PCDH15: variants seen among roughly 807,000 people sequenced by gnomAD.
PCDH15 encodes the protein protocadherin related 15.
A neutral mutation model predicts 178.5 loss-of-function variants in PCDH15; 129 were observed. That is an observed-to-expected ratio of 0.72 (90% CI 0.63 to 0.84). The LOEUF is 0.84. PCDH15 is among the 40% of genes least tolerant of loss of function. The pLI is 0.00. For missense variants in PCDH15, 2,230 were observed against 2,099.9 expected (o/e 1.06, Z -1.21); for synonymous variants, 800 against 732.0 (o/e 1.09, Z -1.50).
chr10:54,664,521 C>T (rs1249361487), intron 1 of PCDH15, among the ~76,000 whole-genome samples: 4 of 151,854 alleles, frequency 2.6e-5, no homozygotes, highest in African/African-American at 4.8e-5. Flanking sequence ...ATTTAATTTG[C>T]CAGCAAGTAG....
intron 2 of PCDH15, among the ~76,000 whole-genome samples, chr10:54,653,002 T>A (rs1439997060): frequency 1.3e-5 from 2 of 152,228 alleles, no homozygotes; most frequent in Non-Finnish European, 2.9e-5. Flanking sequence ...AATTTTCTTA[T>A]AATTTTATTA....
At chr10:54,773,192 A>G (rs1949296729) in intron 1 of PCDH15, among the ~76,000 whole-genome samples, 1 of 152,174 alleles carries the variant, frequency 6.6e-6, no homozygotes, top group Non-Finnish European at 1.5e-5. Flanking sequence ...GCAAACCACC[A>G]TGGCACACAT....
chr10:54,612,461 G>T (rs780308891), intron 2 of PCDH15, among the ~76,000 whole-genome samples: 3 of 151,722 alleles, frequency 2.0e-5, no homozygotes, highest in African/African-American at 7.2e-5. Flanking sequence ...TAAATAAAAT[G>T]ATTAATTTTT....
At chr10:54,871,894 A>T (rs1311801440) in intron 3 of PCDH15, among the ~76,000 whole-genome samples, 3 of 152,058 alleles carry the variant, frequency 2.0e-5, no homozygotes, top group African/African-American at 7.2e-5. Flanking sequence ...TTATAAATAA[A>T]CTACTGTGAG....
chr10:54,939,236 C>G (rs2464645), intron 2 of PCDH15, among the ~76,000 whole-genome samples: 1 of 150,260 alleles, frequency 6.7e-6, no homozygotes, highest in Admixed American at 6.6e-5. Flanking sequence ...GGCTCACGCC[C>G]GTAATCCCAG....
intron 9 of PCDH15, among the ~76,000 whole-genome samples, chr10:54,224,884 ATC>A (rs1029413404): frequency 1.7e-4 from 26 of 152,254 alleles, no homozygotes; most frequent in Admixed American, 1.7e-3. Flanking sequence ...TTAGTTCTAA[ATC>A]TGTCTCCTTT....
rs557954481 is a variant in PCDH15 at position 54,738,801 on chromosome 10, T to G, written c.-29+62124A>C. ...CATAACATATGATCATTTCAATAGA[T>G]GCTGAAAAGGCATTCCATAAAATCC... On this transcript the variant is annotated intron_variant, in intron 1 of 37. Transcript: ENST00000644397. Among the ~76,000 whole-genome samples, 7 of 152,186 alleles carry G rather than the reference T, an allele frequency of 4.6e-5. No homozygotes were observed. The South Asian group carries it at 1.5e-3, about 32-fold the overall frequency.
At chr10:54,878,727 G>A (rs992851478) in intron 3 of PCDH15, among the ~76,000 whole-genome samples, 1 of 152,022 alleles carries the variant, frequency 6.6e-6, no homozygotes, top group Admixed American at 6.6e-5. Flanking sequence ...TGTTACATAG[G>A]TAAATGTGTG....
chr10:54,935,058 C>T (rs1171462439), intron 2 of PCDH15, among the ~76,000 whole-genome samples: 3 of 146,180 alleles, frequency 2.1e-5, no homozygotes, highest in African/African-American at 7.7e-5. Context: ...GGAAGGGGAA[C>T]ATCACACTCT....
At chr10:55,620,012 C>A (rs550814196) in intron 2 of PCDH15, among the ~76,000 whole-genome samples, 2 of 152,020 alleles carry the variant, frequency 1.3e-5, no homozygotes, top group Admixed American at 6.6e-5. Flanking sequence ...CTTGCCCAAC[C>A]CTTCCTCTAT....
chr10:54,445,184 C>T (rs1008019623), intron 3 of PCDH15, among the ~76,000 whole-genome samples: 3 of 151,070 alleles, frequency 2.0e-5, no homozygotes, highest in Non-Finnish European at 4.4e-5. Context: ...AATTTTTTTG[C>T]TTTTATTTTT....
chr10:54,607,449 G>C (rs1023991022), intron 2 of PCDH15, among the ~76,000 whole-genome samples: 9 of 151,714 alleles, frequency 5.9e-5, no homozygotes, highest in African/African-American at 2.2e-4. Context: ...TTAAAGAATG[G>C]CAGTAGACTA....
intron 2 of PCDH15, among the ~76,000 whole-genome samples, chr10:54,980,176 G>A (rs1022333630): frequency 3.3e-5 from 5 of 152,118 alleles, no homozygotes; most frequent in African/African-American, 9.7e-5. Flanking sequence ...ACTTTCACAT[G>A]CTTGGCATTC....
intron 3 of PCDH15, among the ~76,000 whole-genome samples, chr10:54,456,042 G>T (rs1255854097): frequency 6.6e-6 from 1 of 152,214 alleles, no homozygotes; most frequent in Admixed American, 6.5e-5. Flanking sequence ...GCACAAGTTT[G>T]CTGTGGGAGC....
intron 3 of PCDH15, among the ~76,000 whole-genome samples, chr10:54,882,893 C>A (rs1356457208): frequency 2.6e-5 from 4 of 152,060 alleles, no homozygotes; most frequent in South Asian, 4.1e-4. Flanking sequence ...CATAAACAGT[C>A]GGTTTTTATG....
intron 2 of PCDH15, among the ~76,000 whole-genome samples, chr10:55,595,495 T>C (rs188131855): frequency 6.6e-6 from 1 of 152,242 alleles, no homozygotes; most frequent in East Asian, 1.9e-4. Context: ...CATGTCAGAC[T>C]AATTTATGCT....
At chr10:55,194,206 T>G (rs1217754159) in intron 1 of PCDH15, among the ~76,000 whole-genome samples, 1 of 152,072 alleles carries the variant, frequency 6.6e-6, no homozygotes, top group Non-Finnish European at 1.5e-5. Context: ...AGTGATTCAT[T>G]GTCTTTCTTT....
chr10:54,862,965 AATTTTATCTATT>A (rs1297826728), intron 3 of PCDH15, among the ~76,000 whole-genome samples: 3 of 152,196 alleles, frequency 2.0e-5, no homozygotes, highest in African/African-American at 7.2e-5. Flanking sequence ...ATACAAATAA[AATTTTATCTATT>A]ATAGTAACTA....
chr10:54,267,562 AAATTTC>A (rs1256694851), intron 8 of PCDH15, among the ~76,000 whole-genome samples: 8 of 151,910 alleles, frequency 5.3e-5, no homozygotes, highest in Non-Finnish European at 1.2e-4. Context: ...AGTTGATTAA[AAATTTC>A]AGTAAAGTTT....
Sources: gnomAD v4.1 joint callset for allele counts (sites outside exome capture counted in the v4.1 genomes callset) on GRCh38, gnomAD v4.1.1 for gene constraint, MANE v1.5 for transcripts, NCBI Gene and HGNC (gene_info 2026-07-23, HGNC 2026-07-21) for gene names.